RIMS2: variants seen among roughly 807,000 people sequenced by gnomAD.
The protein encoded by RIMS2 is regulating synaptic membrane exocytosis protein 2.
RIMS2 carries 59 observed loss-of-function variants against 174.4 expected under a neutral mutation model. The ratio of observed to expected loss-of-function variants is 0.34; its 90% CI spans 0.27 to 0.42. The LOEUF is 0.42. Ranked by LOEUF, RIMS2 falls within the 10% of genes least tolerant of loss-of-function variation. The pLI is 1.00. For synonymous variants in RIMS2, 606 were observed against 572.5 expected (o/e 1.06, Z -0.84); for missense variants, 1,620 against 1,666.3 (o/e 0.97, Z 0.48).
intron 19 of RIMS2, among the ~76,000 whole-genome samples, chr8:104,088,295 G>A (rs2097572188): frequency 2.0e-5 from 3 of 151,906 alleles, no homozygotes; most frequent in African/African-American, 7.2e-5. Flanking sequence ...AAAACAGGAT[G>A]ACGAAAATGC....
At chr8:103,601,051 G>A (rs1389379081) in intron 1 of RIMS2, among the ~76,000 whole-genome samples, 1 of 152,042 alleles carries the variant, frequency 6.6e-6, no homozygotes, top group Non-Finnish European at 1.5e-5. Flanking sequence ...TTTTTTAATG[G>A]ATTATTAGAT....
chr8:103,647,268 C>G (rs2096356504), intron 1 of RIMS2, among the ~76,000 whole-genome samples: 1 of 152,066 alleles, frequency 6.6e-6, no homozygotes, highest in African/African-American at 2.4e-5. Flanking sequence ...GTTTTTGCAT[C>G]AGTGTTCATC....
intron 1 of RIMS2, among the ~76,000 whole-genome samples, chr8:103,650,348 C>T (rs190285216): frequency 1.4e-3 from 216 of 152,184 alleles, no homozygotes; most frequent in African/African-American, 4.7e-3. Flanking sequence ...CCAAATATGC[C>T]TGTAGGAGGT....
chr8:103,764,029 G>A (rs1187484782), intron 2 of RIMS2, among the ~76,000 whole-genome samples: 3 of 152,212 alleles, frequency 2.0e-5, no homozygotes, highest in Admixed American at 2.0e-4. Flanking sequence ...CTGCCCCAGA[G>A]TTTCCTATTC....
intron 3 of RIMS2, among the ~76,000 whole-genome samples, chr8:103,845,291 T>C (rs913922482): frequency 5.3e-5 from 8 of 152,094 alleles, no homozygotes; most frequent in African/African-American, 1.9e-4. Flanking sequence ...CTGTAGCCAA[T>C]GGTGGTAGGA....
intron 1 of RIMS2, among the ~76,000 whole-genome samples, chr8:103,566,821 T>A (rs1272968146): frequency 1.3e-5 from 2 of 152,194 alleles, no homozygotes; most frequent in Non-Finnish European, 2.9e-5. Flanking sequence ...TCTCCTTGAA[T>A]CCCTTCATTG....
At chr8:104,134,530 G>A (rs1305626841) in intron 19 of RIMS2, among the ~76,000 whole-genome samples, 1 of 152,142 alleles carries the variant, frequency 6.6e-6, no homozygotes, top group Non-Finnish European at 1.5e-5. Context: ...AATCCAACAG[G>A]TTTGGCACCC....
At chr8:104,206,961 A>G (rs1163848651) in intron 19 of RIMS2, among the ~76,000 whole-genome samples, 1 of 152,244 alleles carries the variant, frequency 6.6e-6, no homozygotes, top group Non-Finnish European at 1.5e-5. Context: ...TGATCTTTAT[A>G]GACAGGACAG....
intron 1 of RIMS2, among the ~76,000 whole-genome samples, chr8:103,571,989 C>G (rs559777535): frequency 6.6e-5 from 10 of 152,132 alleles, no homozygotes; most frequent in African/African-American, 2.2e-4. Context: ...AGCATTGGTT[C>G]CTTCCGGTGG....
chr8:103,794,791 C>T (rs201729300), intron 3 of RIMS2, among the ~76,000 whole-genome samples: 13 of 152,092 alleles, frequency 8.5e-5, no homozygotes, highest in African/African-American at 2.7e-4. Context: ...AACAGACACT[C>T]CTCAAAAGAA....
intron 3 of RIMS2, among the ~76,000 whole-genome samples, chr8:103,775,671 A>G (rs754157468): frequency 6.6e-5 from 10 of 152,152 alleles, no homozygotes; most frequent in Non-Finnish European, 1.2e-4. Flanking sequence ...ATGATTAATC[A>G]ATAGACTTGA....
intron 19 of RIMS2, chr8:104,015,394 T>G (rs1213327773): frequency 1.5e-6 from 1 of 679,074 alleles, no homozygotes; most frequent in South Asian, 1.6e-5. Flanking sequence ...GTTTTTGTTC[T>G]GTTTTTTGTT....
chr8:103,794,701 A>G (rs1234781790), intron 3 of RIMS2, among the ~76,000 whole-genome samples: 1 of 152,254 alleles, frequency 6.6e-6, no homozygotes, highest in Non-Finnish European at 1.5e-5. Flanking sequence ...AAGGGCTAAT[A>G]TCCAGAATCT....
chr8:103,550,807 C>T (rs1175727067), intron 1 of RIMS2, among the ~76,000 whole-genome samples: 1 of 152,102 alleles, frequency 6.6e-6, no homozygotes, highest in Admixed American at 6.6e-5. Context: ...TACAAACTAC[C>T]ATCGGAGAAT....
chr8:103,532,844 TAAAAG>T (rs1837862635), intron 1 of RIMS2, among the ~76,000 whole-genome samples: 1 of 151,596 alleles, frequency 6.6e-6, no homozygotes, highest in Non-Finnish European at 1.5e-5. Context: ...TGTCAAATAA[TAAAAG>T]AAGAGAAACA....
intron 19 of RIMS2, among the ~76,000 whole-genome samples, chr8:104,021,636 GT>G (rs373771859): frequency 1.0e-3 from 153 of 152,190 alleles, no homozygotes; most frequent in African/African-American, 3.5e-3. Context: ...TTATCATAAG[GT>G]TTTTTTGTCT....
intron 3 of RIMS2, among the ~76,000 whole-genome samples, chr8:103,793,183 A>G (rs963612436): frequency 4.6e-5 from 7 of 152,202 alleles, no homozygotes; most frequent in East Asian, 1.9e-4. Context: ...AAAATTCTCA[A>G]TAAATACTGG....
intron 2 of RIMS2, among the ~76,000 whole-genome samples, chr8:103,731,835 G>A (rs909008369): frequency 6.6e-6 from 1 of 152,164 alleles, no homozygotes; most frequent in South Asian, 2.1e-4. Flanking sequence ...TATCTGATAG[G>A]ATTCTGAATT....
intron 16 of RIMS2, among the ~76,000 whole-genome samples, chr8:103,981,635 A>G (rs760198734): frequency 1.4e-4 from 22 of 152,202 alleles, no homozygotes; most frequent in Non-Finnish European, 2.6e-4. Context: ...ATGAAATTCT[A>G]TATAACACAG....
Sources: allele counts gnomAD v4.1 joint callset (sites outside exome capture counted in the v4.1 genomes callset), GRCh38; gene constraint gnomAD v4.1.1; transcripts MANE v1.5; gene names NCBI Gene and HGNC (gene_info 2026-07-23, HGNC 2026-07-21).